MAP2: variants seen among roughly 807,000 people sequenced by gnomAD.
MAP2 encodes the protein microtubule-associated protein 2.
MAP2 carries 14 observed loss-of-function variants against 137.6 expected under a neutral mutation model. The ratio of observed to expected loss-of-function variants is 0.10; its 90% CI spans 0.07 to 0.16. The LOEUF (loss-of-function observed/expected upper bound fraction) is 0.16, where lower values mean the gene tolerates loss of function less well. Ranked by LOEUF, MAP2 falls within the 10% of genes least tolerant of loss-of-function variation. MAP2 has a pLI of 1.00. For missense variants in MAP2, 2,088 were observed against 2,191.5 expected, an observed-to-expected ratio of 0.95 and a Z score of 0.94; for synonymous variants, 786 against 782.3, an observed-to-expected ratio of 1.00 and a Z score of -0.08.
intron 14 of MAP2, among the ~76,000 whole-genome samples, chr2:209,728,886 C>T (rs1489481520): frequency 3.9e-5 from 6 of 152,144 alleles, no homozygotes; most frequent in Non-Finnish European, 8.8e-5. Context: ...TGCTCAAAAC[C>T]AAGTTGCTGT....
intron 2 of MAP2, among the ~76,000 whole-genome samples, chr2:209,570,939 C>T (rs1325154025): frequency 6.6e-6 from 1 of 151,898 alleles, no homozygotes; most frequent in African/African-American, 2.4e-5. Context: ...CAAATACTTT[C>T]ACTTGTTGCC....
chr2:209,484,507 T>A lies in MAP2; in HGVS notation c.-221-23085T>A, dbSNP rs1161954758. On this transcript the variant is annotated intron_variant, in intron 1 of 15. Transcript: ENST00000682079. Reference sequence around the variant, plus strand: ...CAGTTCGAGACCAGCCTAGCCAAGATGATGAAACCCTGTCTCTACTAAAAA... The same window carrying A: ...CAGTTCGAGACCAGCCTAGCCAAGAAGATGAAACCCTGTCTCTACTAAAAA... Among the ~76,000 whole-genome samples the A allele has an allele frequency of 2.0e-5, 3 of 152,276 alleles. No homozygotes were observed. In the East Asian group the frequency reaches 5.8e-4, roughly 29 times the overall value.
intron 13 of MAP2, among the ~76,000 whole-genome samples, chr2:209,720,685 A>C (rs2070289781): frequency 6.6e-6 from 1 of 151,730 alleles, no homozygotes; most frequent in Non-Finnish European, 1.5e-5. Flanking sequence ...GGCAGAGATT[A>C]AAATGTGATT....
intron 4 of MAP2, among the ~76,000 whole-genome samples, chr2:209,647,704 G>A (rs1225037683): frequency 6.6e-6 from 1 of 152,082 alleles, no homozygotes; most frequent in Non-Finnish European, 1.5e-5. Flanking sequence ...ATTATTCAGA[G>A]TGCAGCAGTG....
intron 3 of MAP2, among the ~76,000 whole-genome samples, chr2:209,611,147 C>G (rs774338312): frequency 5.3e-5 from 8 of 152,106 alleles, no homozygotes; most frequent in Non-Finnish European, 1.0e-4. Context: ...TTTAAACTAA[C>G]AGCTATTATA....
chr2:209,578,703 C>T (rs1211715144), intron 2 of MAP2, among the ~76,000 whole-genome samples: 1 of 152,138 alleles, frequency 6.6e-6, no homozygotes, highest in Non-Finnish European at 1.5e-5. Context: ...AATTATTCCA[C>T]ACTTAACCTC....
chr2:209,498,461 A>G lies in MAP2; in HGVS notation c.-221-9131A>G, dbSNP rs1047983958. Among the ~76,000 whole-genome samples, 6 of 152,208 alleles carry G rather than the reference A, an allele frequency of 3.9e-5. No homozygotes were observed. The South Asian group carries it at 1.2e-3, about 32-fold the overall frequency. ...GTGGTGACCCCCTTCTCACAACTCCACTAAGGAATGCCCCAGTGGAGACCA... is the reference window on the plus strand; with the variant it reads ...GTGGTGACCCCCTTCTCACAACTCCGCTAAGGAATGCCCCAGTGGAGACCA... On this transcript the variant is annotated intron_variant, in intron 1 of 15. Coordinates refer to ENST00000682079, the MANE Select transcript of MAP2 (RefSeq NM_001375505.1).
intron 2 of MAP2, among the ~76,000 whole-genome samples, chr2:209,561,074 C>T (rs1318008801): frequency 2.0e-5 from 3 of 152,138 alleles, no homozygotes; most frequent in East Asian, 1.9e-4. Flanking sequence ...GTGGCAAAAG[C>T]AGGCATGAGG....
intron 4 of MAP2, among the ~76,000 whole-genome samples, chr2:209,644,218 G>A (rs2094242470): frequency 6.6e-6 from 1 of 152,076 alleles, no homozygotes; most frequent in Admixed American, 6.6e-5. Flanking sequence ...TTTCTCCAAT[G>A]GATTGAAGTA....
chr2:209,730,122 AAG>A, intron 15 of MAP2, 58 bp from the exon 16 acceptor site: 1 of 1,392,208 alleles, frequency 7.2e-7, no homozygotes, highest in Non-Finnish European at 1.0e-6. Context: ...GAGATGGAGA[AAG>A]AGGTAGGGGC....
At chr2:209,547,690 A>C (rs1007941806) in intron 2 of MAP2, among the ~76,000 whole-genome samples, 7 of 152,152 alleles carry the variant, frequency 4.6e-5, no homozygotes, top group Non-Finnish European at 7.3e-5. Context: ...TCAAATGGGG[A>C]AAATAAAACC....
intron 3 of MAP2, among the ~76,000 whole-genome samples, chr2:209,608,072 T>A (rs889763538): frequency 6.6e-6 from 1 of 152,184 alleles, no homozygotes; most frequent in South Asian, 2.1e-4. Context: ...ACTTTTTATG[T>A]TGAATGACCT....
intron 1 of MAP2, among the ~76,000 whole-genome samples, chr2:209,490,488 G>T (rs1435849335): frequency 6.7e-6 from 1 of 150,344 alleles, no homozygotes; most frequent in African/African-American, 2.5e-5. Flanking sequence ...CTGGCAAATT[G>T]GTTAAAAGAG....
chr2:209,703,457 T>G (rs1427607916), intron 11 of MAP2, among the ~76,000 whole-genome samples: 1 of 152,102 alleles, frequency 6.6e-6, no homozygotes, highest in Non-Finnish European at 1.5e-5. Context: ...GAAAGATATT[T>G]CCAAATGTGT....
At chr2:209,593,260 T>G (rs933668104) in intron 3 of MAP2, among the ~76,000 whole-genome samples, 1 of 151,864 alleles carries the variant, frequency 6.6e-6, no homozygotes, top group African/African-American at 2.4e-5. Context: ...TCCTCAAGAG[T>G]GATTTTTAAA....
intron 5 of MAP2, among the ~76,000 whole-genome samples, chr2:209,667,945 C>T (rs527867642): frequency 2.6e-5 from 4 of 152,050 alleles, no homozygotes; most frequent in African/African-American, 9.6e-5. Context: ...CCTAAAATCC[C>T]GCATAAATCC....
chr2:209,593,728 A>G (rs1327159017), intron 3 of MAP2, among the ~76,000 whole-genome samples: 3 of 17,148 alleles, frequency 1.7e-4, no homozygotes, highest in African/African-American at 5.5e-4. Flanking sequence ...ATATAAATAT[A>G]TAATATAATA....
intron 2 of MAP2, among the ~76,000 whole-genome samples, chr2:209,514,030 T>C (rs2062102756): frequency 6.6e-6 from 1 of 152,176 alleles, no homozygotes; most frequent in Non-Finnish European, 1.5e-5. Flanking sequence ...AAGGATTAAA[T>C]GGTCTTTTCA....
chr2:209,447,137 A>T (rs1303855433), intron 1 of MAP2, among the ~76,000 whole-genome samples: 1 of 152,014 alleles, frequency 6.6e-6, no homozygotes. Flanking sequence ...CAGAAGTTCT[A>T]CATGGACATG....
Sources: gnomAD v4.1 joint callset for allele counts (sites outside exome capture counted in the v4.1 genomes callset) on GRCh38, gnomAD v4.1.1 for gene constraint, MANE v1.5 for transcripts, NCBI Gene and HGNC (gene_info 2026-07-23, HGNC 2026-07-21) for gene names.